Variants in NMU observed in about 807,000 individuals in gnomAD.
NMU encodes the protein neuromedin-U.
Under a neutral mutation model 35.4 loss-of-function variants are expected in NMU, and 29 were observed. That is an observed-to-expected ratio of 0.82 (90% CI 0.61 to 1.12). NMU has a LOEUF of 1.12. Among genes scored for constraint, NMU ranks in the 50% most tolerant of loss-of-function variants. The pLI, the probability that NMU is intolerant of heterozygous loss-of-function variation, is 0.00. For synonymous variants in NMU, 78 were observed against 81.3 expected (o/e 0.96, Z 0.22); for missense variants, 199 against 206.2 (o/e 0.97, Z 0.21).
chr4:55,634,800 T>C (rs1210409738), intron 1 of NMU, among the ~76,000 whole-genome samples: 1 of 152,202 alleles, frequency 6.6e-6, no homozygotes, highest in Non-Finnish European at 1.5e-5. Context: ...GGAGAAGGTT[T>C]AGGTCTGCTA....
At chr4:55,627,395 G>GT (rs11430338) in intron 2 of NMU, among the ~76,000 whole-genome samples, 73,281 of 148,838 alleles carry the variant, frequency 0.49, 18,133 homozygotes, top group East Asian at 0.68. Context: ...AAATTTTAAA[G>GT]TTTTTTTTTT....
chr4:55,597,707 A>G (rs751640267), intron 9 of NMU, among the ~76,000 whole-genome samples: 15 of 152,040 alleles, frequency 9.9e-5, no homozygotes, highest in Non-Finnish European at 2.1e-4. Context: ...TTTTTTCCCC[A>G]TACCTATTAG....
At chr4:55,595,893 G>A (rs1733162458) in intron 9 of NMU, among the ~76,000 whole-genome samples, 1 of 151,890 alleles carries the variant, frequency 6.6e-6, no homozygotes, top group South Asian at 2.1e-4. Context: ...TGCCCCTTTG[G>A]CCTCCCAAAG....
intron 9 of NMU, among the ~76,000 whole-genome samples, chr4:55,595,862 A>C (rs971645053): frequency 4.0e-5 from 6 of 151,870 alleles, no homozygotes; most frequent in Admixed American, 3.9e-4. Flanking sequence ...GCTGGTCTCA[A>C]ATTCCTGACC....
chr4:55,636,105 C>G lies in NMU; in HGVS notation c.88G>C (p.Ala30Pro). The G allele has an allele frequency of 3.3e-6, 5 of 1,530,410 alleles. No homozygotes were observed. Among genetic ancestry groups the G allele is most frequent in the Non-Finnish European group, 4.4e-6 (5 of 1,144,776 alleles). The allele number at this position is 1,530,410 out of a possible 1,614,324, so 94.8% of individuals were successfully genotyped here. ...CCTCGGCAGGCGCCCGCGCACCAGG[C>G]GAGCAGCAGCAGCAGCAGCAGGAGC... ...SPLLLLLLLL[A>P]WCAGACRGAP... is the part of the protein sequence containing the mutation. The change falls in exon 1 of 10, where the codon GCC (alanine) becomes CCC (proline). Residue 30 changes from alanine (A) to proline (P), a missense_variant. Transcript: ENST00000264218. This position sits in a 1 kb window ranked among gnomAD's most constrained non-coding sequence, Gnocchi z 4.0.
chr4:55,605,008 A>G (rs1733620602), intron 7 of NMU, among the ~76,000 whole-genome samples: 1 of 152,156 alleles, frequency 6.6e-6, no homozygotes, highest in Admixed American at 6.5e-5. Context: ...ACCAAAAGTC[A>G]TGGCTTTTGG....
Position 55,599,138 on chromosome 4 carries a change from A to G in NMU, c.*4+4T>C. On this transcript the variant is annotated splice_donor_region_variant and intron_variant, in intron 9 of 9. Transcript: ENST00000264218. ...ATTTATTTGTTTATTTATTTCTCAC[A>G]TACCATTTTAAATGAACCCTGCTGA... 2 of 1,584,820 alleles carry G rather than the reference A, an allele frequency of 1.3e-6. No individual in the cohort carries two copies. Among genetic ancestry groups the G allele is most frequent in the Admixed American group, 1.7e-5 (1 of 59,946 alleles).
At chr4:55,628,157 T>C (rs1734608094) in intron 2 of NMU, among the ~76,000 whole-genome samples, 1 of 152,182 alleles carries the variant, frequency 6.6e-6, no homozygotes, top group Admixed American at 6.5e-5. Flanking sequence ...TAGCCATCCA[T>C]ACTTTCTTTT....
chr4:55,597,987 C>CT (rs1444946336), intron 9 of NMU, among the ~76,000 whole-genome samples: 2 of 150,702 alleles, frequency 1.3e-5, no homozygotes, highest in Non-Finnish European at 3.0e-5. Context: ...GTTTACCGTC[C>CT]TTCTACTTTA....
intron 9 of NMU, among the ~76,000 whole-genome samples, chr4:55,598,923 A>T (rs1733312456): frequency 6.6e-6 from 1 of 152,210 alleles, no homozygotes; most frequent in Admixed American, 6.5e-5. Context: ...ATGAGGCCCT[A>T]AAATACTGGT....
At chr4:55,633,619 C>G (rs1334938687) in intron 1 of NMU, among the ~76,000 whole-genome samples, 1 of 152,180 alleles carries the variant, frequency 6.6e-6, no homozygotes, top group African/African-American at 2.4e-5. Flanking sequence ...TTCATTCTTA[C>G]ACAGTATACG....
chr4:55,617,617 C>A (rs73236165), intron 2 of NMU, among the ~76,000 whole-genome samples: 26,697 of 151,154 alleles, frequency 0.18, 2,484 homozygotes, highest in South Asian at 0.23. Context: ...TTGTATTAAA[C>A]TTGTGGGGGG....
chr4:55,635,636 T>A (rs989707768), intron 1 of NMU, among the ~76,000 whole-genome samples: 3 of 152,372 alleles, frequency 2.0e-5, no homozygotes, highest in African/African-American at 7.2e-5. Context: ...CAAGTTTACC[T>A]TGCCTCAGCG....
At chr4:55,609,662 C>T (rs17085952) in intron 3 of NMU, among the ~76,000 whole-genome samples, 5,539 of 152,192 alleles carry the variant, frequency 0.036, 339 homozygotes, top group African/African-American at 0.13. Flanking sequence ...AGAACCCATG[C>T]GTGGTGCACC....
At chr4:55,626,016 G>A (rs899571154) in intron 2 of NMU, among the ~76,000 whole-genome samples, 4 of 152,006 alleles carry the variant, frequency 2.6e-5, no homozygotes, top group African/African-American at 7.2e-5. Context: ...ATATCTTTGG[G>A]CTATCTACCC....
chr4:55,605,403 C>T, intron 6 of NMU, 54 bp from the exon 7 acceptor site: 2 of 1,229,220 alleles, frequency 1.6e-6, no homozygotes, highest in South Asian at 2.4e-5. Flanking sequence ...CAGCAGTGGC[C>T]ATCAAGACGG....
At chr4:55,606,368 C>T (rs548523243) in intron 6 of NMU, among the ~76,000 whole-genome samples, 4 of 152,106 alleles carry the variant, frequency 2.6e-5, no homozygotes, top group African/African-American at 2.4e-5. Context: ...GAAAAACTAC[C>T]GCTAATACTA....
At chr4:55,614,764 A>G (rs1472829573) in intron 3 of NMU, among the ~76,000 whole-genome samples, 2 of 152,248 alleles carry the variant, frequency 1.3e-5, no homozygotes, top group African/African-American at 4.8e-5. Flanking sequence ...GTACTAAAGA[A>G]CTAGAAGTGA....
At chr4:55,603,889 G>C (rs2110185886) in intron 7 of NMU, among the ~76,000 whole-genome samples, 1 of 130,880 alleles carries the variant, frequency 7.6e-6, no homozygotes. Context: ...TCCAGTCTGG[G>C]CGACAGAGCA....
Sources: allele counts gnomAD v4.1 joint callset (sites outside exome capture counted in the v4.1 genomes callset), GRCh38; gene constraint gnomAD v4.1.1; non-coding constraint Gnocchi (gnomAD v3.1); transcripts MANE v1.5; gene names NCBI Gene and HGNC (gene_info 2026-07-23, HGNC 2026-07-21).